Variants in KCNIP4 observed in about 807,000 individuals in gnomAD.
KCNIP4 encodes the protein Kv channel-interacting protein 4.
A neutral mutation model predicts 34.0 loss-of-function variants in KCNIP4; 12 were observed. That is an observed-to-expected ratio of 0.35 (90% CI 0.23 to 0.57). KCNIP4 has a LOEUF of 0.57. KCNIP4 is among the 20% of genes least tolerant of loss of function. KCNIP4 has a pLI of 0.83. For synonymous variants in KCNIP4, 124 were observed against 102.2 expected (o/e 1.21, Z -1.29); for missense variants, 238 against 311.7 (o/e 0.76, Z 1.78).
intron 1 of KCNIP4, among the ~76,000 whole-genome samples, chr4:21,194,631 G>C (rs1196851913): frequency 1.3e-5 from 2 of 152,166 alleles, no homozygotes; most frequent in Non-Finnish European, 2.9e-5. Flanking sequence ...AAGTGGAAGT[G>C]GCATAGTCTT....
At chr4:21,521,383 C>T (rs2109956953) in intron 1 of KCNIP4, among the ~76,000 whole-genome samples, 1 of 152,230 alleles carries the variant, frequency 6.6e-6, no homozygotes, top group East Asian at 1.9e-4. Context: ...ATGACATAAA[C>T]TTCATGAACG....
intron 1 of KCNIP4, among the ~76,000 whole-genome samples, chr4:21,222,103 T>C (rs115625425): frequency 0.01 from 1,534 of 152,288 alleles, 32 homozygotes; most frequent in African/African-American, 0.035. Context: ...GTGACTAACA[T>C]TGAGTTGCAG....
chr4:21,008,132 A>G (rs1738733381), intron 1 of KCNIP4, among the ~76,000 whole-genome samples: 1 of 152,210 alleles, frequency 6.6e-6, no homozygotes, highest in Admixed American at 6.5e-5. Flanking sequence ...TAGAAGAGAG[A>G]AATCTGTTGA....
intron 1 of KCNIP4, among the ~76,000 whole-genome samples, chr4:21,318,316 C>T (rs993923599): frequency 1.3e-5 from 2 of 152,138 alleles, no homozygotes; most frequent in African/African-American, 4.8e-5. Context: ...CAATTATGTA[C>T]AATCCTTGCT....
chr4:21,356,858 A>C (rs1284224645), intron 1 of KCNIP4, among the ~76,000 whole-genome samples: 4 of 152,074 alleles, frequency 2.6e-5, no homozygotes, highest in African/African-American at 7.2e-5. Context: ...CGCATAGCCA[A>C]GATAATCGTA....
chr4:21,688,080 T>C (rs1421397398), intron 1 of KCNIP4, among the ~76,000 whole-genome samples: 1 of 152,192 alleles, frequency 6.6e-6, no homozygotes, highest in Admixed American at 6.5e-5. Flanking sequence ...AAGAAACTTA[T>C]ATTTATTTAT....
At chr4:21,920,423 T>C (rs1022557670) in intron 1 of KCNIP4, among the ~76,000 whole-genome samples, 2 of 152,086 alleles carry the variant, frequency 1.3e-5, no homozygotes, top group African/African-American at 4.8e-5. Context: ...CAGAGATGAA[T>C]TCAAGTATAC....
chr4:21,428,258 G>A (rs865861935), intron 1 of KCNIP4, among the ~76,000 whole-genome samples: 10 of 152,128 alleles, frequency 6.6e-5, no homozygotes, highest in African/African-American at 2.4e-4. Context: ...TCGTATAGTC[G>A]TTTTTAAAGT....
At chr4:21,315,740 C>T (rs1713679352) in intron 1 of KCNIP4, among the ~76,000 whole-genome samples, 2 of 152,332 alleles carry the variant, frequency 1.3e-5, no homozygotes, top group African/African-American at 4.8e-5. Flanking sequence ...ATCCACTCAA[C>T]ACATGACTGT....
intron 1 of KCNIP4, among the ~76,000 whole-genome samples, chr4:21,728,656 T>C (rs970647271): frequency 6.6e-6 from 1 of 152,170 alleles, no homozygotes; most frequent in African/African-American, 2.4e-5. Context: ...CTGTTTCCTC[T>C]CTGACCTCAT....
In KCNIP4 at chr4:21,463,205, C is replaced by A. The variant is rs190177940; in HGVS notation, c.61+485366G>T. ...TATCTTTTGTATTTTTGATAGAAGT[C>A]ATTCTAACTGGAGTAAGGTAATACC... On this transcript the variant is annotated intron_variant, in intron 1 of 8. Transcript: ENST00000382152. Among the ~76,000 whole-genome samples the A allele has an allele frequency of 8.5e-5, 13 of 152,238 alleles. No individual in the cohort carries two copies. In the East Asian group the frequency reaches 2.5e-3, roughly 29 times the overall value.
intron 2 of KCNIP4, among the ~76,000 whole-genome samples, chr4:20,852,852 A>T (rs192041913): frequency 0.011 from 1,616 of 152,334 alleles, 18 homozygotes; most frequent in Admixed American, 0.027. Flanking sequence ...AGAGAATCAA[A>T]TCAAGAACTC....
At chr4:21,519,146 C>T (rs1735035570) in intron 1 of KCNIP4, among the ~76,000 whole-genome samples, 1 of 151,902 alleles carries the variant, frequency 6.6e-6, no homozygotes, top group South Asian at 2.1e-4. Context: ...GGAGGTGGGG[C>T]CTTTGGGAGG....
intron 1 of KCNIP4, among the ~76,000 whole-genome samples, chr4:21,128,146 A>T (rs1750769279): frequency 2.0e-5 from 3 of 152,200 alleles, no homozygotes; most frequent in Admixed American, 2.0e-4. Context: ...TGATATTACA[A>T]AGAATTGCAA....
At chr4:21,245,771 C>T (rs1352298912) in intron 1 of KCNIP4, among the ~76,000 whole-genome samples, 1 of 151,986 alleles carries the variant, frequency 6.6e-6, no homozygotes, top group East Asian at 1.9e-4. Flanking sequence ...TCCTCTATCG[C>T]TAACAACAAA....
At position 20,728,972 on chromosome 4, in the gene KCNIP4, A is replaced by AGTTGTTGAGCACTTATTT. The variant is rs1179579102; in HGVS notation, c.*1092_*1109dup. On this transcript the variant is annotated 3_prime_UTR_variant, in exon 9 of 9. Coordinates refer to ENST00000382152, the MANE Select transcript of KCNIP4 (RefSeq NM_025221.6). Reference sequence around the variant, plus strand: ...GCTAAATCATACTGTAATCTGGATTAGTTGTTGAGCACTTATTTTCTACTA... The same window carrying AGTTGTTGAGCACTTATTT: ...GCTAAATCATACTGTAATCTGGATTAGTTGTTGAGCACTTATTTGTTGTTGAGCACTTATTTTCTACTA... 8 of 152,374 alleles carry AGTTGTTGAGCACTTATTT rather than the reference A, an allele frequency of 5.3e-5. No homozygotes were observed. The East Asian group carries it at 1.5e-3, about 29-fold the overall frequency. The allele number at this position is 152,374 out of a possible 1,614,324, so 9.4% of individuals were successfully genotyped here. A position where few individuals can be genotyped will look rare whatever the true frequency, so the allele number is the denominator to read the frequency against.
chr4:21,684,827 C>A (rs1336130364), intron 1 of KCNIP4, among the ~76,000 whole-genome samples: 2 of 152,108 alleles, frequency 1.3e-5, no homozygotes, highest in African/African-American at 4.8e-5. Flanking sequence ...TCTCCCCCGA[C>A]CCCATGACAG....
At chr4:21,343,489 C>T (rs1716964255) in intron 1 of KCNIP4, among the ~76,000 whole-genome samples, 2 of 152,068 alleles carry the variant, frequency 1.3e-5, no homozygotes, top group Admixed American at 1.3e-4. Context: ...TATTATCTCT[C>T]CTCAGTCAGT....
intron 1 of KCNIP4, among the ~76,000 whole-genome samples, chr4:21,402,089 CAT>C (rs1723605428): frequency 2.6e-5 from 4 of 152,168 alleles, no homozygotes; most frequent in Admixed American, 2.6e-4. Context: ...TTCTAAAACG[CAT>C]ATACTTTCTC....
Sources: gnomAD v4.1 joint callset for allele counts (sites outside exome capture counted in the v4.1 genomes callset) on GRCh38, gnomAD v4.1.1 for gene constraint, MANE v1.5 for transcripts, NCBI Gene and HGNC (gene_info 2026-07-23, HGNC 2026-07-21) for gene names.